Variants in ITPR3 observed in about 807,000 individuals in gnomAD.
ITPR3 encodes inositol 1,4,5-trisphosphate-gated calcium channel ITPR3.
Under a neutral mutation model 293.2 loss-of-function variants are expected in ITPR3, and 173 were observed. The ratio of observed to expected loss-of-function variants is 0.59; its 90% CI spans 0.52 to 0.67. The LOEUF is 0.67. Ranked by LOEUF, ITPR3 falls within the 30% of genes least tolerant of loss-of-function variation. The probability of loss-of-function intolerance (pLI) is 0.00; values close to 1 mark genes in which losing one functional copy is unlikely to be tolerated. For missense variants in ITPR3, 2,796 were observed against 3,592.1 expected (o/e 0.78, Z 5.66); for synonymous variants, 1,295 against 1,444.4 (o/e 0.90, Z 2.35).
chr6:33,693,798 A>G, intron 56 of ITPR3, 93 bp downstream of exon 56: 1 of 1,444,616 alleles, frequency 6.9e-7, no homozygotes, highest in Non-Finnish European at 9.5e-7. Context: ...TTAGCTTCTG[A>G]GTACCCTGGG....
rs1343302276 is a variant in ITPR3, at chr6:33,665,038, C to G, written c.1249-15C>G. ...AGCTTGTTCCCAGGTGCCCTGCTGA[C>G]CCCTGTCTCTGCAGCTGGGCACCTG... On this transcript the variant is annotated splice_polypyrimidine_tract_variant and intron_variant, in intron 12 of 57. Transcript: ENST00000605930. 1 of 1,613,652 alleles carries G rather than the reference C, an allele frequency of 6.2e-7. No homozygotes were observed. Among genetic ancestry groups the G allele is most frequent in the Non-Finnish European group, 8.5e-7 (1 of 1,179,996 alleles).
rs548359567 is a variant in ITPR3 at position 33,695,930 on chromosome 6, T to G, written c.*150T>G. ...AGACACCCTGACACCCACCCAGGCT[T>G]TGAAGAGCATGGAGGGGGAGCCTCA... On this transcript the variant is annotated 3_prime_UTR_variant, in exon 58 of 58. Transcript: ENST00000605930. The G allele has an allele frequency of 2.9e-6, 2 of 681,530 alleles. No homozygotes were observed. Among genetic ancestry groups the G allele is most frequent in the South Asian group, 3.5e-5 (2 of 57,416 alleles). 42.2% of individuals were successfully genotyped at this position (681,530 alleles called of 1,614,324 possible). A position where few individuals can be genotyped will look rare whatever the true frequency, so the allele number is the denominator to read the frequency against.
chr6:33,678,116 C>T (rs777204629), intron 28 of ITPR3, among the ~76,000 whole-genome samples: 9 of 152,078 alleles, frequency 5.9e-5, no homozygotes, highest in Non-Finnish European at 1.0e-4. Context: ...CAATCTTAGT[C>T]TCATCTCCCC....
rs528143135 is a variant in ITPR3 at position 33,654,807 on chromosome 6, G to A, written c.161-959G>A. ...TGCCCAGGCTGTGGATCCCTCCTGT[G>A]ATGGGGAGCTCACTGCTTCCCAGCC... is the stretch of plus-strand genomic sequence containing the variant. On this transcript the variant is annotated intron_variant, in intron 2 of 57. Transcript: ENST00000605930. This position sits in a 1 kb window ranked among gnomAD's most constrained non-coding sequence, Gnocchi z 4.1. Among the ~76,000 whole-genome samples the A allele has an allele frequency of 6.6e-6, 1 of 152,264 alleles. No homozygotes were observed. Among genetic ancestry groups the A allele is most frequent in the Admixed American group, 6.5e-5 (1 of 15,290 alleles).
At chr6:33,681,465 A>G (rs951942270) in intron 33 of ITPR3, among the ~76,000 whole-genome samples, 13 of 152,230 alleles carry the variant, frequency 8.5e-5, no homozygotes, top group South Asian at 2.1e-4. Flanking sequence ...AGGCCAGTGT[A>G]CAGAAGCCTG....
chr6:33,684,389 C>T lies in ITPR3; in HGVS notation c.4970C>T (p.Ser1657Leu), dbSNP rs766016611. The T allele has an allele frequency of 6.8e-6, 11 of 1,613,872 alleles. No individual in the cohort carries two copies. Among genetic ancestry groups the T allele is most frequent in the African/African-American group, 2.7e-5 (2 of 74,884 alleles). Residue 1657 changes from serine (S) to leucine (L), a missense_variant, in exon 37 of 58, where the codon TCG becomes TTG. Physicochemically the swap from Ser to Leu is moderately radical, Grantham distance 145 (BLOSUM62 -2). Coordinates refer to ENST00000605930, the MANE Select transcript of ITPR3 (RefSeq NM_002224.4). The surrounding 1 kb of genome is among the most constrained non-coding windows in gnomAD (Gnocchi z 4.2). Reference sequence around the variant, plus strand: ...CAGCACACCAAGGACCTCATGGAGTCGGAGGAGAAGCTGTGCATCAAGGTG... The same window carrying T: ...CAGCACACCAAGGACCTCATGGAGTTGGAGGAGAAGCTGTGCATCAAGGTG... ...LIQHTKDLME[S>L]EEKLCIKVLR...
Position 33,684,047 on chromosome 6 carries a change from C to G in ITPR3, c.4816C>G (p.Leu1606Val), listed in dbSNP as rs141097830. ...CATCATCACAGCCCTGGAGGAGCGG[C>G]TGAAGCCCCTGGTACAGGCTGAGCT... Reference protein sequence around the residue: ...QDIITALEERLKPLVQAELSV... With the variant: ...QDIITALEERVKPLVQAELSV... Residue 1606 changes from leucine to valine, a missense_variant, in exon 36 of 58, where the codon CTG (leucine) becomes GTG (valine). Coordinates refer to ENST00000605930, the MANE Select transcript of ITPR3 (RefSeq NM_002224.4). This position sits in a 1 kb window ranked among gnomAD's most constrained non-coding sequence, Gnocchi z 4.2. 22 of 1,610,758 alleles carry G rather than the reference C, an allele frequency of 1.4e-5. No homozygotes were observed. Among genetic ancestry groups the G allele is most frequent in the African/African-American group, 2.7e-5 (2 of 74,868 alleles).
Position 33,682,504 on chromosome 6 carries a change from G to A in ITPR3, c.4477-20G>A. ...GGTGGGGGCCTGGGCTGCAGCAGCG[G>A]GCTCTGTGACTTCTTGCAGACACAC... is the stretch of plus-strand genomic sequence containing the variant. On this transcript the variant is annotated intron_variant, in intron 33 of 57. Coordinates refer to ENST00000605930, the MANE Select transcript of ITPR3 (RefSeq NM_002224.4). The surrounding 1 kb of genome is among the most constrained non-coding windows in gnomAD (Gnocchi z 5.4). The A allele has an allele frequency of 6.7e-7, 1 of 1,499,434 alleles. No individual in the cohort carries two copies. Among genetic ancestry groups the A allele is most frequent in the Non-Finnish European group, 8.9e-7 (1 of 1,122,906 alleles). The allele number at this position is 1,499,434 out of a possible 1,614,324, so 92.9% of individuals were successfully genotyped here. A position where few individuals can be genotyped will look rare whatever the true frequency, so the allele number is the denominator to read the frequency against.
In ITPR3 at chr6:33,665,217, G is replaced by A. The variant is rs768723493; in HGVS notation, c.1409+4G>A. Reference sequence around the variant, plus strand: ...TCATCAGCCAGAATGACCGCAGGTGGGCTGCAGTGGCACAGGGGTTTTCTG... The same window carrying A: ...TCATCAGCCAGAATGACCGCAGGTGAGCTGCAGTGGCACAGGGGTTTTCTG... On this transcript the variant is annotated splice_donor_region_variant and intron_variant, in intron 13 of 57. Coordinates refer to ENST00000605930, the MANE Select transcript of ITPR3 (RefSeq NM_002224.4). 21 of 1,612,196 alleles carry A rather than the reference G, an allele frequency of 1.3e-5. No homozygotes were observed. The African/African-American group carries it at 2.5e-4, about 19-fold the overall frequency.
At position 33,685,667 on chromosome 6, in the gene ITPR3, C is replaced by T. The variant is rs893504467; in HGVS notation, c.5507C>T (p.Pro1836Leu). The T allele has an allele frequency of 6.3e-7, 1 of 1,593,104 alleles. No individual in the cohort carries two copies. Among genetic ancestry groups the T allele is most frequent in the African/African-American group, 1.3e-5 (1 of 74,598 alleles). ...TKGRVASFSI[P>L]GSSSRYSLGP... The stretch of plus-strand genomic sequence containing the variant: ...GGCCGCGTGGCCTCCTTCTCGATAC[C>T]TGGCTCCTCATCCCGCTACTCGCTG... The change falls in exon 41 of 58, where the codon CCT becomes CTT. Residue 1836 changes from proline (P) to leucine (L), a missense_variant. Physicochemically the swap from Pro to Leu is moderately conservative, Grantham distance 98 (BLOSUM62 -3). This residue lies in a region of ITPR3 where 704 missense variants were observed against 797.5 expected (regional missense o/e 0.88). Transcript: ENST00000605930.
intron 1 of ITPR3, among the ~76,000 whole-genome samples, chr6:33,635,011 T>A (rs1763785438): frequency 6.6e-6 from 1 of 152,082 alleles, no homozygotes; most frequent in Admixed American, 6.6e-5. Flanking sequence ...CTGCACAACC[T>A]CCATGCTGCC....
Position 33,692,628 on chromosome 6 carries a change from G to A in ITPR3, c.7459-100G>A, listed in dbSNP as rs1285508375. ...CCCTCATTTCCTTCTGCTAGGGGCTGGGTCCTCAATATCACAGCCCTGGCC... is the reference window on the plus strand; with the variant it reads ...CCCTCATTTCCTTCTGCTAGGGGCTAGGTCCTCAATATCACAGCCCTGGCC... On this transcript the variant is annotated intron_variant, in intron 54 of 57. Coordinates refer to ENST00000605930, the MANE Select transcript of ITPR3 (RefSeq NM_002224.4). This position sits in a 1 kb window ranked among gnomAD's most constrained non-coding sequence, Gnocchi z 4.2. 5 of 1,176,296 alleles carry A rather than the reference G, an allele frequency of 4.3e-6. No individual in the cohort carries two copies. Among genetic ancestry groups the A allele is most frequent in the Non-Finnish European group, 6.1e-6 (5 of 825,314 alleles). The allele number at this position is 1,176,296 out of a possible 1,614,324, so 72.9% of individuals were successfully genotyped here. A position where few individuals can be genotyped will look rare whatever the true frequency, so the allele number is the denominator to read the frequency against.
At chr6:33,689,118 G>C (rs1765320298) in intron 49 of ITPR3, 120 bp from the exon 50 acceptor site, 4 of 1,186,128 alleles carry the variant, frequency 3.4e-6, no homozygotes, top group South Asian at 1.4e-5. Context: ...CTAAAACCAG[G>C]CACCAGGAAC....
At chr6:33,645,519 G>A (rs1030887261) in intron 2 of ITPR3, among the ~76,000 whole-genome samples, 2 of 152,272 alleles carry the variant, frequency 1.3e-5, no homozygotes, top group African/African-American at 4.8e-5. Flanking sequence ...CCAGCTTTTG[G>A]CAATTGCCTG....
chr6:33,670,776 G>T lies in ITPR3; in HGVS notation c.2547G>T (p.Val849=). The change falls in exon 20 of 58, where the codon GTG becomes GTT. Residue 849 remains valine, a synonymous_variant. Coordinates refer to ENST00000605930, the MANE Select transcript of ITPR3 (RefSeq NM_002224.4). This position sits in a 1 kb window ranked among gnomAD's most constrained non-coding sequence, Gnocchi z 6.7. ...TCAACAATGTAGTCAGCGAGGCCGT[G>T]CCCTTTGCCAACGAGGAGAAGAACA... ...DYLNNVVSEA[V]PFANEEKNKL... is the part of the protein sequence containing the mutation. 6.2e-7 allele frequency: 1 copy of T among 1,614,124 alleles called. No homozygotes were observed.
In ITPR3 at chr6:33,678,848, G is replaced by A. The variant is rs368023630; in HGVS notation, c.3972+9G>A. ...ACATGATCATGACTGAGGTGAGGGC[G>A]GGGCTGAGGGGTGCTCAGGCATCTT... On this transcript the variant is annotated intron_variant, in intron 30 of 57. Transcript: ENST00000605930. 14 of 1,609,268 alleles carry A rather than the reference G, an allele frequency of 8.7e-6. No homozygotes were observed. The highest frequency in any genetic ancestry group is 6.7e-5 in the African/African-American group (5 of 75,004).
rs528479868 is a variant in ITPR3 at position 33,621,584 on chromosome 6, G to GC, written c.-15dup. On this transcript the variant is annotated 5_prime_UTR_variant, in exon 1 of 58. Transcript: ENST00000605930. This position sits in a 1 kb window ranked among gnomAD's most constrained non-coding sequence, Gnocchi z 7.7. ...CCCCTAGGCGCCCCCCACGCCCTGG[G>GC]CCCCGGAGGGCCGCAGCCATGAGTG... The GC allele has an allele frequency of 0.016, 25,270 of 1,569,876 alleles. 272 individuals carry two copies. Among genetic ancestry groups the GC allele is most frequent in the Middle Eastern group, 0.03 (179 of 6,010 alleles).
rs776126364 is a variant in ITPR3 at position 33,686,503 on chromosome 6, T to TGGTGCTGCAGCTCAAGGTGG, written c.5966_5979+6dup. On this transcript the variant is annotated frameshift_variant, in exon 43 of 58. Transcript: ENST00000605930. LOFTEE classifies it high-confidence loss of function. The stretch of plus-strand genomic sequence containing the variant: ...CCCCTGTGCAAGTACCGCATGGATC[T>TGGTGCTGCAGCTCAAGGTGG]GGTGCTGCAGCTCAAGGTGGGGCCC... The TGGTGCTGCAGCTCAAGGTGG allele has an allele frequency of 1.2e-5, 19 of 1,613,942 alleles. No individual in the cohort carries two copies. Among genetic ancestry groups the TGGTGCTGCAGCTCAAGGTGG allele is most frequent in the Admixed American group, 1.2e-4 (7 of 60,002 alleles).
At position 33,677,413 on chromosome 6, in the gene ITPR3, G is replaced by A. The variant is rs1243987457; in HGVS notation, c.3523-91G>A. 10 of 1,556,544 alleles carry A rather than the reference G, an allele frequency of 6.4e-6. No homozygotes were observed. The South Asian group carries it at 7.3e-5, about 11-fold the overall frequency. ...TGACCTCCTTCCCCCTTCCTGTCCC[G>A]GGTGCCAGCTGGAACTTGGCTGTGG... is the stretch of plus-strand genomic sequence containing the variant. On this transcript the variant is annotated intron_variant, in intron 27 of 57. Transcript: ENST00000605930.
Sources: allele counts gnomAD v4.1 joint callset (sites outside exome capture counted in the v4.1 genomes callset), GRCh38; gene constraint gnomAD v4.1.1; regional missense constraint gnomAD v4.1.1; non-coding constraint Gnocchi (gnomAD v3.1); transcripts MANE v1.5; gene names NCBI Gene and HGNC (gene_info 2026-07-23, HGNC 2026-07-21).